The following ZNF569 variants were observed in gnomAD, a reference collection of about 807,000 sequenced individuals.
ZNF569 encodes zinc finger protein 569, also known as DNA-binding protein.
ZNF569 carries 38 observed loss-of-function variants against 56.3 expected under a neutral mutation model. The ratio of observed to expected loss-of-function variants is 0.68; its 90% CI spans 0.52 to 0.88. The LOEUF is 0.88. Among genes scored for constraint, ZNF569 ranks in the 40% least tolerant of loss-of-function variants. The pLI is 0.00. For synonymous variants in ZNF569, 241 were observed against 262.9 expected (o/e 0.92, Z 0.81); for missense variants, 666 against 809.2 (o/e 0.82, Z 2.15).
Position 37,413,088 on chromosome 19 carries a change from A to T in ZNF569, c.1570T>A (p.Cys524Ser), listed in dbSNP as rs1216167737. The change falls in exon 6 of 6, where the codon TGT (cysteine) becomes AGT (serine). Residue 524 changes from cysteine (C) to serine (S), a missense_variant. By Grantham distance (112) the Cys-to-Ser change is moderately radical. Transcript: ENST00000316950. ...GAGAAGGCTTTACCACATTCATTAC[A>T]ATCATAAGGTTTCTCTCCAGTATGA... ...KVHTGEKPYDCNECGKAFSQI... is the reference protein window; with the variant it reads ...KVHTGEKPYDSNECGKAFSQI... 2 of 1,613,718 alleles carry T rather than the reference A, an allele frequency of 1.2e-6. No homozygotes were observed. Among genetic ancestry groups the T allele is most frequent in the Non-Finnish European group, 1.7e-6 (2 of 1,179,882 alleles).
intron 2 of ZNF569, among the ~76,000 whole-genome samples, chr19:37,457,407 T>C (rs2041690122): frequency 6.6e-6 from 1 of 152,080 alleles, no homozygotes; most frequent in African/African-American, 2.4e-5. Flanking sequence ...ACAGAGAAAC[T>C]GAGGTATGTG....
At chr19:37,448,009 T>C (rs2041526992) in intron 2 of ZNF569, among the ~76,000 whole-genome samples, 1 of 152,198 alleles carries the variant, frequency 6.6e-6, no homozygotes, top group East Asian at 1.9e-4. Context: ...TTGAGGATTT[T>C]TGTTTCTAAC....
intron 5 of ZNF569, among the ~76,000 whole-genome samples, chr19:37,421,174 T>C (rs2041029436): frequency 6.6e-6 from 1 of 152,160 alleles, no homozygotes; most frequent in South Asian, 2.1e-4. Context: ...CAGGGTGTAT[T>C]TAGCATAATT....
At position 37,412,283 on chromosome 19, in the gene ZNF569, T is replaced by C; in HGVS notation, c.*314A>G. On this transcript the variant is annotated 3_prime_UTR_variant, in exon 6 of 6. Transcript: ENST00000316950. ...TATAGTTCTTCGTTGATACTTGTTT[T>C]CCTTACTTAATACATTGGCTAGGAG... 1 of 247,068 alleles carries C rather than the reference T, an allele frequency of 4.0e-6. No homozygotes were observed. 15.3% of individuals were successfully genotyped at this position (247,068 alleles called of 1,614,324 possible).
In ZNF569 at chr19:37,454,824, AT is replaced by A. The variant is rs1465563787; in HGVS notation, c.-43-9861del. ...ATTTGTTTAAAAACTTGATAGCTGT[AT>A]TTTCTTACTGGCTTATATGGTGTCT... On this transcript the variant is annotated intron_variant, in intron 2 of 5. Coordinates refer to ENST00000316950, the MANE Select transcript of ZNF569 (RefSeq NM_152484.3). 1.1e-5 allele frequency: 8 copies of A among 701,876 alleles called. No homozygotes were observed. In the East Asian group the frequency reaches 1.9e-4, roughly 17 times the overall value. 43.5% of individuals were successfully genotyped at this position (701,876 alleles called of 1,614,324 possible).
chr19:37,440,221 T>A (rs2041381341), intron 3 of ZNF569, among the ~76,000 whole-genome samples: 1 of 152,152 alleles, frequency 6.6e-6, no homozygotes, highest in East Asian at 1.9e-4. Context: ...TTAAAAAAAC[T>A]AACAACAAAG....
chr19:37,416,269 A>C (rs1416433961), intron 5 of ZNF569, among the ~76,000 whole-genome samples: 1 of 151,238 alleles, frequency 6.6e-6, no homozygotes, highest in Non-Finnish European at 1.5e-5. Flanking sequence ...AAAAAAACAA[A>C]AAAAAAAAAC....
intron 2 of ZNF569, among the ~76,000 whole-genome samples, chr19:37,457,443 T>C (rs1357664421): frequency 6.6e-6 from 1 of 152,060 alleles, no homozygotes; most frequent in African/African-American, 2.4e-5. Flanking sequence ...AAGAGAGTGA[T>C]GGAATGTGGA....
At chr19:37,456,260 G>C (rs1278498356) in intron 2 of ZNF569, among the ~76,000 whole-genome samples, 1 of 151,998 alleles carries the variant, frequency 6.6e-6, no homozygotes, top group Non-Finnish European at 1.5e-5. Flanking sequence ...TAATCGCACT[G>C]AGCTTTTGGT....
chr19:37,412,486 GA>G lies in ZNF569; in HGVS notation c.*110del. On this transcript the variant is annotated 3_prime_UTR_variant, in exon 6 of 6. Transcript: ENST00000316950. ...GTTTCATAAATTTGTGGCTTTTTCA[GA>G]AGGCTATCCCACATTCATAGTTTTC... is the stretch of plus-strand genomic sequence containing the variant. The G allele has an allele frequency of 7.3e-7, 1 of 1,370,698 alleles. No individual in the cohort carries two copies. The allele number at this position is 1,370,698 out of a possible 1,614,324, so 84.9% of individuals were successfully genotyped here. A position where few individuals can be genotyped will look rare whatever the true frequency, so the allele number is the denominator to read the frequency against.
At chr19:37,466,531 G>A (rs966520417) in intron 1 of ZNF569, among the ~76,000 whole-genome samples, 1 of 152,126 alleles carries the variant, frequency 6.6e-6, no homozygotes, top group South Asian at 2.1e-4. Context: ...GGAGGCTGAG[G>A]GAGGAGAATT....
In ZNF569 at chr19:37,414,295, A is replaced by G. The variant is rs2040891968; in HGVS notation, c.363T>C (p.Asn121=). The G allele has an allele frequency of 2.5e-6, 4 of 1,613,634 alleles. No homozygotes were observed. The highest frequency in any genetic ancestry group is 2.2e-5 in the East Asian group (1 of 44,804). The change falls in exon 6 of 6, where the codon AAT becomes AAC. Residue 121 remains asparagine (N), a synonymous_variant. Coordinates refer to ENST00000316950, the MANE Select transcript of ZNF569 (RefSeq NM_152484.3). ...KGNECQKKFA[N]VFPLNSDFFP... is the part of the protein sequence containing the mutation. ...AAAAATCAGAGTTCAGAGGAAATAC[A>G]TTTGCAAATTTCTTTTGACATTCAT...
At chr19:37,439,182 T>C (rs1371690661) in intron 3 of ZNF569, among the ~76,000 whole-genome samples, 1 of 152,218 alleles carries the variant, frequency 6.6e-6, no homozygotes, top group Non-Finnish European at 1.5e-5. Flanking sequence ...GCGATTCTCC[T>C]GCCTCAGCCT....
chr19:37,412,471 T>G lies in ZNF569; in HGVS notation c.*126A>C, dbSNP rs1178570509. On this transcript the variant is annotated 3_prime_UTR_variant, in exon 6 of 6. Transcript: ENST00000316950. ...GAAGAATTCTCTAATGTTTCATAAA[T>G]TTGTGGCTTTTTCAGAAGGCTATCC... The G allele has an allele frequency of 6.6e-6, 9 of 1,363,416 alleles. No individual in the cohort carries two copies. The East Asian group carries it at 2.0e-4, about 31-fold the overall frequency. The allele number at this position is 1,363,416 out of a possible 1,614,324, so 84.5% of individuals were successfully genotyped here.
In ZNF569 at chr19:37,445,034, G is replaced by A. The variant is rs2041469897; in HGVS notation, c.-43-70C>T. On this transcript the variant is annotated intron_variant, in intron 2 of 5. Transcript: ENST00000316950. Reference sequence around the variant, plus strand: ...TTCAGAAACATGCACACACAGGGTGGATTAAAGGTCACCCTGTAGTGGAAT... The same window carrying A: ...TTCAGAAACATGCACACACAGGGTGAATTAAAGGTCACCCTGTAGTGGAAT... 8 of 1,180,836 alleles carry A rather than the reference G, an allele frequency of 6.8e-6. No homozygotes were observed. In the Admixed American group the frequency reaches 1.9e-4, roughly 28 times the overall value. 73.1% of individuals were successfully genotyped at this position (1,180,836 alleles called of 1,614,324 possible).
intron 2 of ZNF569, among the ~76,000 whole-genome samples, chr19:37,462,110 C>T (rs544725665): frequency 6.6e-6 from 1 of 152,236 alleles, no homozygotes; most frequent in African/African-American, 2.4e-5. Flanking sequence ...TTGCTAGGTA[C>T]TTCACTATAA....
intron 3 of ZNF569, among the ~76,000 whole-genome samples, chr19:37,441,201 T>G (rs988123534): frequency 6.6e-6 from 1 of 152,150 alleles, no homozygotes; most frequent in African/African-American, 2.4e-5. Context: ...AGGTAATATG[T>G]GCCTAGAACT....
intron 1 of ZNF569, 75 bp downstream of exon 1, chr19:37,467,009 C>CA (rs1279935202): frequency 2.0e-5 from 3 of 152,500 alleles, no homozygotes; most frequent in Non-Finnish European, 2.9e-5. Flanking sequence ...ATTGGGGCAC[C>CA]AGGACCGCGG....
intron 3 of ZNF569, among the ~76,000 whole-genome samples, chr19:37,443,981 G>T (rs886685905): frequency 2.0e-5 from 3 of 152,130 alleles, no homozygotes; most frequent in Non-Finnish European, 2.9e-5. Context: ...TCGTGCCATT[G>T]CACTCCAGCT....
Sources: gnomAD v4.1 joint callset for allele counts (sites outside exome capture counted in the v4.1 genomes callset) on GRCh38, gnomAD v4.1.1 for gene constraint, MANE v1.5 for transcripts, NCBI Gene and HGNC (gene_info 2026-07-23, HGNC 2026-07-21) for gene names.